ZNF821: variants seen among roughly 807,000 people sequenced by gnomAD.
ZNF821 encodes zinc finger protein 821.
ZNF821 carries 16 observed loss-of-function variants against 44.3 expected under a neutral mutation model. The ratio of observed to expected loss-of-function variants is 0.36; its 90% CI spans 0.24 to 0.55. The LOEUF (loss-of-function observed/expected upper bound fraction) is 0.55, where lower values mean the gene tolerates loss of function less well. Among genes scored for constraint, ZNF821 ranks in the 20% least tolerant of loss-of-function variants. The pLI, the probability that ZNF821 is intolerant of heterozygous loss-of-function variation, is 0.86. For synonymous variants in ZNF821, 204 were observed against 197.6 expected, an observed-to-expected ratio of 1.03 and a Z score of -0.27; for missense variants, 436 against 547.6, an observed-to-expected ratio of 0.80 and a Z score of 2.03.
upstream of ZNF821, among the ~76,000 whole-genome samples, chr16:71,886,847 C>G (rs889717299): frequency 6.6e-6 from 1 of 152,180 alleles, no homozygotes; most frequent in African/African-American, 2.4e-5. Context: ...GCTCCTGGCA[C>G]CCACAAATCT....
chr16:71,869,842 G>A (rs2034989530), intron 3 of ZNF821, among the ~76,000 whole-genome samples: 1 of 152,082 alleles, frequency 6.6e-6, no homozygotes, highest in South Asian at 2.1e-4. Flanking sequence ...TCACTGTGTT[G>A]TCCAGGCTGA....
chr16:71,894,491 C>T, intron 1 of ZNF821: 1 of 206,902 alleles, frequency 4.8e-6, no homozygotes, highest in South Asian at 7.5e-5. Context: ...GGTGATACAC[C>T]TGCCTCGGCC....
upstream of ZNF821, among the ~76,000 whole-genome samples, chr16:71,885,771 C>G (rs1451058603): frequency 2.0e-5 from 3 of 152,092 alleles, no homozygotes; most frequent in Non-Finnish European, 2.9e-5. Context: ...GATTAGGATA[C>G]TTAGATAGCA....
At chr16:71,888,094 C>G (rs537518062), upstream of ZNF821, among the ~76,000 whole-genome samples, 4 of 152,110 alleles carry the variant, frequency 2.6e-5, no homozygotes, top group South Asian at 6.2e-4. Context: ...TCAGGCTGGT[C>G]TGGAACACCT....
rs2033712940 is a variant in ZNF821 at position 71,860,450 on chromosome 16, T to C, written c.807A>G (p.Val269=). The C allele has an allele frequency of 6.2e-7, 1 of 1,614,070 alleles. No homozygotes were observed. The highest frequency in any genetic ancestry group is 8.5e-7 in the Non-Finnish European group (1 of 1,180,040). Residue 269 remains valine (V), a synonymous_variant, in exon 8 of 8, where the codon GTA becomes GTG. Transcript: ENST00000425432. This position sits in a 1 kb window ranked among gnomAD's most constrained non-coding sequence, Gnocchi z 7.3. ...GCTCTCGTTCCAGCCGCTGCAGCCG[T>C]ACTTCCAAAGGCTCATTCTGTCGAC... is the stretch of plus-strand genomic sequence containing the variant. ...ALRRQNEPLE[V]RLQRLERERT... is the part of the protein sequence containing the mutation.
intron 3 of ZNF821, among the ~76,000 whole-genome samples, chr16:71,868,827 AT>A (rs11318268): frequency 0.047 from 7,081 of 151,716 alleles, 530 homozygotes; most frequent in African/African-American, 0.16. Context: ...TGCCCAGCTA[AT>A]TTTTTTGTAT....
intron 1 of ZNF821, chr16:71,894,154 TATG>T (rs1459769696): frequency 6.6e-6 from 1 of 152,182 alleles, no homozygotes; most frequent in Non-Finnish European, 1.5e-5. Flanking sequence ...ATCAACATCT[TATG>T]ATAAGGGCTA....
chr16:71,865,079 A>AT, intron 4 of ZNF821, 31 bp from the exon 5 acceptor site: 2 of 1,613,754 alleles, frequency 1.2e-6, no homozygotes, highest in Middle Eastern at 1.7e-4. Flanking sequence ...ACTTGTTCTG[A>AT]TTTTTGCATG....
chr16:71,887,426 A>G (rs990123489), upstream of ZNF821, among the ~76,000 whole-genome samples: 4 of 151,544 alleles, frequency 2.6e-5, no homozygotes, highest in African/African-American at 9.7e-5. Flanking sequence ...CGCCCGGCTA[A>G]TTTTTTTTGT....
upstream of ZNF821, among the ~76,000 whole-genome samples, chr16:71,886,394 T>C (rs77847105): frequency 1.1e-4 from 16 of 152,292 alleles, no homozygotes; most frequent in African/African-American, 3.6e-4. Context: ...ATTAATTTAT[T>C]TTTCCTCTGC....
chr16:71,877,448 C>T (rs570268430), intron 3 of ZNF821, among the ~76,000 whole-genome samples: 4 of 152,022 alleles, frequency 2.6e-5, no homozygotes, highest in African/African-American at 7.2e-5. Context: ...TTTGAAAAAA[C>T]GGGGTTTTGC....
At chr16:71,883,445 C>T in intron 1 of ZNF821, 172 bp from the exon 2 acceptor site, 1 of 335,704 alleles carries the variant, frequency 3.0e-6, no homozygotes, top group East Asian at 7.9e-5. Flanking sequence ...TGACAAGAGC[C>T]GGAGGTCTTC....
intron 3 of ZNF821, among the ~76,000 whole-genome samples, chr16:71,871,536 T>A (rs2035193244): frequency 6.6e-6 from 1 of 152,228 alleles, no homozygotes; most frequent in African/African-American, 2.4e-5. Flanking sequence ...TGCCGTATAA[T>A]GTCTAATGTG....
chr16:71,894,177 T>G (rs2036918915), intron 1 of ZNF821: 1 of 152,238 alleles, frequency 6.6e-6, no homozygotes, highest in African/African-American at 2.4e-5. Context: ...AGCTCCTACT[T>G]GTCATATGAC....
chr16:71,877,566 G>A (rs980721123), intron 3 of ZNF821, among the ~76,000 whole-genome samples: 8 of 152,028 alleles, frequency 5.3e-5, no homozygotes, highest in African/African-American at 1.9e-4. Context: ...AGCCTATATA[G>A]CATGTTTTTA....
chr16:71,863,699 AT>A (rs1423594136), intron 6 of ZNF821, among the ~76,000 whole-genome samples: 4 of 149,396 alleles, frequency 2.7e-5, no homozygotes, highest in Non-Finnish European at 4.5e-5. Context: ...TTTGGGCTGA[AT>A]TTTTTTTTTC....
At chr16:71,864,473 G>A (rs959920192) in intron 5 of ZNF821, among the ~76,000 whole-genome samples, 4 of 152,212 alleles carry the variant, frequency 2.6e-5, no homozygotes, top group Non-Finnish European at 5.9e-5. Flanking sequence ...TTTCCCTGAA[G>A]ATAAACTCTG....
chr16:71,892,610 C>T (rs564427291), intron 1 of ZNF821, among the ~76,000 whole-genome samples: 9 of 148,178 alleles, frequency 6.1e-5, no homozygotes, highest in Middle Eastern at 3.5e-3. Flanking sequence ...CTTCCTCTGT[C>T]GCTCAAGCTG....
upstream of ZNF821, among the ~76,000 whole-genome samples, chr16:71,886,858 A>G (rs951112732): frequency 4.6e-5 from 7 of 152,000 alleles, no homozygotes; most frequent in African/African-American, 1.7e-4. Context: ...CCACAAATCT[A>G]CTTTCTGTCT....
Sources: allele counts gnomAD v4.1 joint callset (sites outside exome capture counted in the v4.1 genomes callset), GRCh38; gene constraint gnomAD v4.1.1; non-coding constraint Gnocchi (gnomAD v3.1); transcripts MANE v1.5; gene names NCBI Gene and HGNC (gene_info 2026-07-23, HGNC 2026-07-21).